CLYBL: variants seen among roughly 807,000 people sequenced by gnomAD.
CLYBL encodes the protein citramalyl-CoA lyase, mitochondrial.
Under a neutral mutation model 38.9 loss-of-function variants are expected in CLYBL, and 31 were observed. The observed-to-expected ratio is 0.80, with a 90% CI of 0.60 to 1.08. The LOEUF (loss-of-function observed/expected upper bound fraction) is 1.08. Ranked by LOEUF, CLYBL falls within the 50% of genes least tolerant of loss-of-function variation. The pLI, the probability that CLYBL is intolerant of heterozygous loss-of-function variation, is 0.00. For synonymous variants in CLYBL, 171 were observed against 158.6 expected (o/e 1.08, Z -0.59); for missense variants, 434 against 411.6 (o/e 1.05, Z -0.47).
At chr13:99,870,643 G>A (rs1429610759) in intron 6 of CLYBL, among the ~76,000 whole-genome samples, 1 of 152,126 alleles carries the variant, frequency 6.6e-6, no homozygotes, top group Admixed American at 6.5e-5. Context: ...TCAACAAGCT[G>A]CCTAGTCAGC....
chr13:99,635,890 A>C (rs915073587), intron 1 of CLYBL, among the ~76,000 whole-genome samples: 1 of 152,208 alleles, frequency 6.6e-6, no homozygotes, highest in Non-Finnish European at 1.5e-5. Flanking sequence ...ATATATATAA[A>C]GTGCTTGGTG....
intron 1 of CLYBL, among the ~76,000 whole-genome samples, chr13:99,613,278 G>T (rs1048260612): frequency 2.6e-5 from 4 of 152,124 alleles, no homozygotes; most frequent in African/African-American, 7.2e-5. Context: ...ACATTTTGCA[G>T]TGCCGTGGTG....
At position 99,793,033 on chromosome 13, in the gene CLYBL, AACACACAC is replaced by A. The variant is rs10631674; in HGVS notation, c.249+20051_249+20058del. ...TCTTCTTGTGCACATGTGCATACAT[AACACACAC>A]ACACACACACACACACACACACACA... is the stretch of plus-strand genomic sequence containing the variant. On this transcript the variant is annotated intron_variant, in intron 2 of 8. Coordinates refer to ENST00000339105, the MANE Select transcript of CLYBL (RefSeq NM_206808.5). Among the ~76,000 whole-genome samples, 767 of 146,048 alleles carry A rather than the reference AACACACAC, an allele frequency of 5.3e-3. 3 individuals carry two copies. The highest frequency in any genetic ancestry group is 0.014 in the Middle Eastern group (4 of 288).
intron 2 of CLYBL, among the ~76,000 whole-genome samples, chr13:99,837,895 G>A (rs1260581103): frequency 6.6e-6 from 1 of 152,136 alleles, no homozygotes; most frequent in African/African-American, 2.4e-5. Flanking sequence ...ATACCAAAAC[G>A]TGTACTAAGC....
chr13:99,842,166 G>A (rs1307104564), intron 2 of CLYBL, among the ~76,000 whole-genome samples: 3 of 152,138 alleles, frequency 2.0e-5, no homozygotes, highest in Admixed American at 6.5e-5. Flanking sequence ...GTCGACAGTC[G>A]TGTAGAAGTG....
chr13:99,819,462 A>ATG (rs1566340270), intron 2 of CLYBL, among the ~76,000 whole-genome samples: 2 of 40,346 alleles, frequency 5.0e-5, no homozygotes, highest in African/African-American at 2.0e-4. Context: ...ATATATATAT[A>ATG]TATATAATAT....
intron 1 of CLYBL, among the ~76,000 whole-genome samples, chr13:99,626,072 C>T (rs2763950): frequency 0.38 from 58,532 of 152,036 alleles, 11,576 homozygotes; most frequent in Middle Eastern, 0.42. Context: ...TGTGGTAGAT[C>T]CTGAGTAAAT....
chr13:99,676,885 A>T (rs1281892485), intron 1 of CLYBL, among the ~76,000 whole-genome samples: 1 of 152,060 alleles, frequency 6.6e-6, no homozygotes. Flanking sequence ...GATTACAGGC[A>T]TGAGCCACTG....
chr13:99,834,343 G>A (rs1167110643), intron 2 of CLYBL, among the ~76,000 whole-genome samples: 1 of 152,152 alleles, frequency 6.6e-6, no homozygotes, highest in Non-Finnish European at 1.5e-5. Flanking sequence ...GAGGGCATAC[G>A]AGTAGGTCCT....
chr13:99,882,727 T>G (rs969481386), intron 7 of CLYBL, among the ~76,000 whole-genome samples: 1 of 152,106 alleles, frequency 6.6e-6, no homozygotes, highest in African/African-American at 2.4e-5. Flanking sequence ...CTTTTTTGGG[T>G]AATGGGTCTT....
chr13:99,785,095 G>A (rs1448367104), intron 2 of CLYBL, among the ~76,000 whole-genome samples: 1 of 145,614 alleles, frequency 6.9e-6, no homozygotes, highest in Non-Finnish European at 1.5e-5. Flanking sequence ...GTTTCACCAT[G>A]TTGGCCAGGC....
chr13:99,869,649 CTT>C lies in CLYBL; in HGVS notation c.803-1286_803-1285del, dbSNP rs1041399633. 1.3e-5 allele frequency among the ~76,000 whole-genome samples: 2 copies of C among 152,036 alleles called. No individual in the cohort carries two copies. The highest frequency in any genetic ancestry group is 4.8e-5 in the African/African-American group (2 of 41,434). ...ATTATTATATTTATCCACTTAAACT[CTT>C]TTACATGAAACACTAAAAATATGTT... On this transcript the variant is annotated intron_variant, in intron 6 of 8. Transcript: ENST00000339105. The surrounding 1 kb of genome is among the most constrained non-coding windows in gnomAD (Gnocchi z 4.3).
At chr13:99,845,395 C>T (rs543280800) in intron 2 of CLYBL, among the ~76,000 whole-genome samples, 1 of 152,230 alleles carries the variant, frequency 6.6e-6, no homozygotes, top group East Asian at 1.9e-4. Context: ...ACGTTAAATG[C>T]TTTATGAAAA....
rs542911869 is a variant in CLYBL at position 99,672,897 on chromosome 13, G to A, written c.62+66140G>A. ...TTAAAGTTGCCATTAGCCAGATGAT[G>A]GCAGGGGAAGGGCGCATGGGATCTT... is the stretch of plus-strand genomic sequence containing the variant. On this transcript the variant is annotated intron_variant, in intron 1 of 8. Transcript: ENST00000339105. Among the ~76,000 whole-genome samples the A allele has an allele frequency of 2.6e-5, 4 of 152,278 alleles. No homozygotes were observed. The East Asian group carries it at 7.7e-4, about 29-fold the overall frequency.
rs186648978 is a variant in CLYBL, at chr13:99,679,289, G to A, written c.62+72532G>A. Among the ~76,000 whole-genome samples, 430 of 55,406 alleles carry A rather than the reference G, an allele frequency of 7.8e-3. 3 individuals are homozygous for A. The highest frequency in any genetic ancestry group is 0.024 in the South Asian group (50 of 2,072). The allele number at this position is 55,406 out of a possible 152,430, so 36.3% of individuals were successfully genotyped here. A position where few individuals can be genotyped will look rare whatever the true frequency, so the allele number is the denominator to read the frequency against. Reference sequence around the variant, plus strand: ...AGCCTGGGCGACAGAGCGAGACTCCGACTCAAAAAAAAAAAAAAAGAAAAG... The same window carrying A: ...AGCCTGGGCGACAGAGCGAGACTCCAACTCAAAAAAAAAAAAAAAGAAAAG... On this transcript the variant is annotated intron_variant, in intron 1 of 8. Coordinates refer to ENST00000339105, the MANE Select transcript of CLYBL (RefSeq NM_206808.5).
At chr13:99,907,868 C>T (rs571698897) in intron 9 of CLYBL, among the ~76,000 whole-genome samples, 24 of 152,278 alleles carry the variant, frequency 1.6e-4, no homozygotes, top group Non-Finnish European at 3.1e-4. Flanking sequence ...AGCCGCAGCA[C>T]GTGGTTTCAT....
intron 1 of CLYBL, among the ~76,000 whole-genome samples, chr13:99,687,319 G>T (rs1016606756): frequency 1.3e-5 from 2 of 152,194 alleles, no homozygotes; most frequent in Non-Finnish European, 2.9e-5. Context: ...TTTACAATCA[G>T]CTCTGTTGAA....
chr13:99,723,717 T>G (rs2048427098), intron 1 of CLYBL, among the ~76,000 whole-genome samples: 1 of 152,190 alleles, frequency 6.6e-6, no homozygotes, highest in Non-Finnish European at 1.5e-5. Context: ...TTACAGCATA[T>G]TCAGATGTGG....
At chr13:99,659,002 C>T (rs2047370942) in intron 1 of CLYBL, among the ~76,000 whole-genome samples, 1 of 152,110 alleles carries the variant, frequency 6.6e-6, no homozygotes, top group Admixed American at 6.6e-5. Context: ...GAGATTTTTC[C>T]CCCAGGGGCA....
Sources: allele counts gnomAD v4.1 joint callset (sites outside exome capture counted in the v4.1 genomes callset), GRCh38; gene constraint gnomAD v4.1.1; non-coding constraint Gnocchi (gnomAD v3.1); transcripts MANE v1.5; gene names NCBI Gene and HGNC (gene_info 2026-07-23, HGNC 2026-07-21).